The following PCDH15 variants were observed in gnomAD, a reference collection of about 807,000 sequenced individuals.
PCDH15 encodes protocadherin-15.
PCDH15 carries 129 observed loss-of-function variants against 178.5 expected under a neutral mutation model. The ratio of observed to expected loss-of-function variants is 0.72; its 90% CI spans 0.63 to 0.84. The LOEUF (loss-of-function observed/expected upper bound fraction) is 0.84. Ranked by LOEUF, PCDH15 falls within the 40% of genes least tolerant of loss-of-function variation. The probability of loss-of-function intolerance (pLI) is 0.00; values close to 1 mark genes in which losing one functional copy is unlikely to be tolerated. For synonymous variants in PCDH15, 800 were observed against 732.0 expected (o/e 1.09, Z -1.50); for missense variants, 2,230 against 2,099.9 (o/e 1.06, Z -1.21).
chr10:55,145,014 A>G (rs1044890458), intron 2 of PCDH15, among the ~76,000 whole-genome samples: 7 of 152,096 alleles, frequency 4.6e-5, no homozygotes, highest in Non-Finnish European at 7.4e-5. Flanking sequence ...GAAATTCTCT[A>G]TTAACATGAC....
At chr10:53,938,308 C>A (rs1294218746) in intron 25 of PCDH15, among the ~76,000 whole-genome samples, 1 of 151,342 alleles carries the variant, frequency 6.6e-6, no homozygotes, top group Non-Finnish European at 1.5e-5. Flanking sequence ...GGTAGTAATT[C>A]TCATTTCATA....
At chr10:55,059,028 C>T (rs988456577) in intron 2 of PCDH15, among the ~76,000 whole-genome samples, 6 of 152,134 alleles carry the variant, frequency 3.9e-5, no homozygotes, top group African/African-American at 1.4e-4. Context: ...AATCACGGTC[C>T]GTGAAATCAC....
chr10:53,835,529 C>A (rs1217748002), intron 29 of PCDH15, among the ~76,000 whole-genome samples: 1 of 150,930 alleles, frequency 6.6e-6, no homozygotes. Context: ...ACAATGTGAG[C>A]AAAAAAAACC....
chr10:54,848,619 A>AATTT (rs1186650987), intron 3 of PCDH15, among the ~76,000 whole-genome samples: 4 of 152,078 alleles, frequency 2.6e-5, no homozygotes, highest in African/African-American at 9.7e-5. Flanking sequence ...ATAGAAAATG[A>AATTT]ATTTATTTAT....
intron 3 of PCDH15, among the ~76,000 whole-genome samples, chr10:54,513,921 A>G (rs2081957194): frequency 6.6e-6 from 1 of 152,228 alleles, no homozygotes; most frequent in South Asian, 2.1e-4. Flanking sequence ...CTGAGATAAA[A>G]GGTGCTGACA....
chr10:54,406,900 T>C (rs186916657), intron 3 of PCDH15, among the ~76,000 whole-genome samples: 2,599 of 152,228 alleles, frequency 0.017, 73 homozygotes, highest in African/African-American at 0.057. Context: ...TTAGAGTTTC[T>C]TAAAAATTTA....
chr10:54,508,089 G>C (rs2081320954), intron 3 of PCDH15, among the ~76,000 whole-genome samples: 1 of 151,872 alleles, frequency 6.6e-6, no homozygotes, highest in South Asian at 2.1e-4. Context: ...AAGAATCAGA[G>C]AAATTAATTT....
chr10:54,469,863 G>A (rs12259617), intron 3 of PCDH15, among the ~76,000 whole-genome samples: 1 of 152,144 alleles, frequency 6.6e-6, no homozygotes, highest in African/African-American at 2.4e-5. Flanking sequence ...GCAATGGCCA[G>A]TCTCTAGGCT....
At chr10:54,741,231 C>T (rs2132811073) in intron 1 of PCDH15, among the ~76,000 whole-genome samples, 1 of 149,948 alleles carries the variant, frequency 6.7e-6, no homozygotes, top group Non-Finnish European at 1.5e-5. Context: ...CTAAATCATA[C>T]TATATACTAG....
chr10:55,228,854 T>C lies in PCDH15; in HGVS notation c.-155-62203A>G, dbSNP rs541351725. 1.1e-3 allele frequency among the ~76,000 whole-genome samples: 163 copies of C among 152,108 alleles called. 1 individual carries two copies. Among genetic ancestry groups the C allele is most frequent in the African/African-American group, 3.2e-3 (133 of 41,482 alleles). On this transcript the variant is annotated intron_variant, in intron 1 of 5. Transcript: ENST00000458638. Reference sequence around the variant, plus strand: ...TGACACAATTTCAATTTTAACAAAATAGTAGTACTTATCATTTACTCCCAT... The same window carrying C: ...TGACACAATTTCAATTTTAACAAAACAGTAGTACTTATCATTTACTCCCAT...
At chr10:55,245,646 A>G (rs1289321135) in intron 1 of PCDH15, among the ~76,000 whole-genome samples, 6 of 152,104 alleles carry the variant, frequency 3.9e-5, no homozygotes, top group Non-Finnish European at 8.8e-5. Context: ...AGAGGCGAAT[A>G]CTCTGGTAAT....
At chr10:54,589,782 G>C (rs1467084999) in intron 2 of PCDH15, among the ~76,000 whole-genome samples, 1 of 152,052 alleles carries the variant, frequency 6.6e-6, no homozygotes, top group African/African-American at 2.4e-5. Flanking sequence ...ATTTTTAGTA[G>C]AGACGGGCTT....
At chr10:53,964,484 AATT>A (rs1197597191) in intron 21 of PCDH15, among the ~76,000 whole-genome samples, 1 of 57,640 alleles carries the variant, frequency 1.7e-5, no homozygotes, top group Non-Finnish European at 3.5e-5. Context: ...TTTATTTAAA[AATT>A]ATTTATAAAA....
chr10:54,854,076 A>T (rs1472099823), intron 3 of PCDH15, among the ~76,000 whole-genome samples: 1 of 152,180 alleles, frequency 6.6e-6, no homozygotes, highest in East Asian at 1.9e-4. Context: ...GGATCTGGCC[A>T]CTGCACACAG....
At chr10:55,282,957 T>C (rs1842769415) in intron 1 of PCDH15, among the ~76,000 whole-genome samples, 1 of 152,154 alleles carries the variant, frequency 6.6e-6, no homozygotes, top group Non-Finnish European at 1.5e-5. Flanking sequence ...TACTTTATAG[T>C]TGAACTTTGA....
At chr10:55,560,466 CT>C (rs1842175309) in intron 2 of PCDH15, among the ~76,000 whole-genome samples, 1 of 151,810 alleles carries the variant, frequency 6.6e-6, no homozygotes, top group South Asian at 2.1e-4. Context: ...ATCTGTGGAG[CT>C]TTAAAAAATA....
intron 2 of PCDH15, among the ~76,000 whole-genome samples, chr10:55,441,934 G>A (rs1839197227): frequency 7.2e-6 from 1 of 138,920 alleles, no homozygotes; most frequent in Non-Finnish European, 1.6e-5. Context: ...ATGTGAAGAT[G>A]GAACACAAAG....
chr10:55,439,931 A>T (rs903074743), intron 2 of PCDH15, among the ~76,000 whole-genome samples: 11 of 152,194 alleles, frequency 7.2e-5, no homozygotes, highest in Non-Finnish European at 1.2e-4. Context: ...CACAATAAAT[A>T]ATTCAGTGTA....
intron 2 of PCDH15, among the ~76,000 whole-genome samples, chr10:55,604,856 A>G (rs1277261982): frequency 7.0e-6 from 1 of 142,464 alleles, no homozygotes; most frequent in East Asian, 2.1e-4. Flanking sequence ...AAGAGCAAAC[A>G]CATTCAAAAG....
Sources: allele counts gnomAD v4.1 joint callset (sites outside exome capture counted in the v4.1 genomes callset), GRCh38; gene constraint gnomAD v4.1.1; transcripts MANE v1.5; gene names NCBI Gene and HGNC (gene_info 2026-07-23, HGNC 2026-07-21).